TMEM117: variants seen among roughly 807,000 people sequenced by gnomAD.
The protein encoded by TMEM117 is transmembrane protein 117.
In TMEM117, 27 loss-of-function variants were observed where a neutral mutation model predicts 52.4. That is an observed-to-expected ratio of 0.51 (90% CI 0.38 to 0.71). The LOEUF is 0.71. Ranked by LOEUF, TMEM117 falls within the 30% of genes least tolerant of loss-of-function variation. The probability of loss-of-function intolerance (pLI) is 0.00; values close to 1 mark genes in which losing one functional copy is unlikely to be tolerated. For missense variants in TMEM117, 556 were observed against 630.5 expected (o/e 0.88, Z 1.26); for synonymous variants, 215 against 206.3 (o/e 1.04, Z -0.36).
chr12:43,836,298 C>T (rs1565711937), intron 1 of TMEM117, 102 bp downstream of exon 1: 1 of 152,356 alleles, frequency 6.6e-6, no homozygotes, highest in Non-Finnish European at 1.5e-5. Context: ...GCTGCCACCT[C>T]GTCACTGCCC....
chr12:44,242,137 T>A (rs996562476), intron 5 of TMEM117, among the ~76,000 whole-genome samples: 3 of 151,890 alleles, frequency 2.0e-5, no homozygotes, highest in Admixed American at 6.6e-5. Context: ...TGTCTTTTTT[T>A]TTTTTACTTT....
chr12:44,147,970 G>A (rs1948669385), intron 4 of TMEM117, among the ~76,000 whole-genome samples: 2 of 151,362 alleles, frequency 1.3e-5, no homozygotes, highest in African/African-American at 4.8e-5. Flanking sequence ...AGACAATTCT[G>A]TTAGCCAACA....
At chr12:44,348,435 T>C (rs1311849373) in intron 6 of TMEM117, among the ~76,000 whole-genome samples, 1 of 151,832 alleles carries the variant, frequency 6.6e-6, no homozygotes, top group African/African-American at 2.4e-5. Flanking sequence ...CAATACCCCC[T>C]TTTCTTAGGT....
chr12:43,970,538 T>C (rs1945566225), intron 3 of TMEM117, among the ~76,000 whole-genome samples: 1 of 152,166 alleles, frequency 6.6e-6, no homozygotes, highest in Non-Finnish European at 1.5e-5. Flanking sequence ...TCCGCCTGGC[T>C]CGGCCTCTCA....
Position 43,964,194 on chromosome 12 carries a change from C to T in TMEM117, c.410+19852C>T, listed in dbSNP as rs571100287. On this transcript the variant is annotated intron_variant, in intron 3 of 7. Coordinates refer to ENST00000266534, the MANE Select transcript of TMEM117 (RefSeq NM_032256.3). ...AGTAGCTCTCGGGGAGGTCTCAGAG[C>T]AGTCAGTAATTGAACATTCTGCCTG... 1.8e-4 allele frequency among the ~76,000 whole-genome samples: 28 copies of T among 152,146 alleles called. No individual in the cohort carries two copies. The South Asian group carries it at 5.4e-3, about 29-fold the overall frequency.
intron 2 of TMEM117, among the ~76,000 whole-genome samples, chr12:43,895,253 G>A (rs935033853): frequency 6.6e-6 from 1 of 152,062 alleles, no homozygotes; most frequent in Non-Finnish European, 1.5e-5. Context: ...GAGGTGTTTG[G>A]TTTTGTGTTC....
At chr12:43,900,507 C>A (rs1311211072) in intron 2 of TMEM117, among the ~76,000 whole-genome samples, 1 of 151,986 alleles carries the variant, frequency 6.6e-6, no homozygotes, top group Admixed American at 6.6e-5. Context: ...ATCACAAGGT[C>A]AGGAGTTCGA....
chr12:43,980,030 A>G (rs138418405), intron 3 of TMEM117, among the ~76,000 whole-genome samples: 135 of 152,174 alleles, frequency 8.9e-4, no homozygotes, highest in African/African-American at 2.2e-3. Context: ...TGCCTTGTTG[A>G]TCTTGTATTA....
chr12:43,935,967 G>A (rs1254853596), intron 2 of TMEM117, among the ~76,000 whole-genome samples: 1 of 152,138 alleles, frequency 6.6e-6, no homozygotes, highest in Non-Finnish European at 1.5e-5. Flanking sequence ...CAGAGTGAAA[G>A]GATGGGAGTG....
intron 3 of TMEM117, among the ~76,000 whole-genome samples, chr12:43,987,995 C>T (rs1301168952): frequency 1.3e-5 from 2 of 152,024 alleles, no homozygotes; most frequent in Non-Finnish European, 2.9e-5. Context: ...TTCAATTTGT[C>T]AGGGTATTGT....
At chr12:44,114,361 C>T (rs569082122) in intron 3 of TMEM117, among the ~76,000 whole-genome samples, 3 of 152,074 alleles carry the variant, frequency 2.0e-5, no homozygotes, top group African/African-American at 4.8e-5. Flanking sequence ...GGAAATAAAA[C>T]GATTTTATAA....
chr12:44,261,576 T>C (rs1310231122), intron 5 of TMEM117, among the ~76,000 whole-genome samples: 1 of 152,184 alleles, frequency 6.6e-6, no homozygotes, highest in Non-Finnish European at 1.5e-5. Context: ...ATAGTATCGC[T>C]ATGGGGAGAA....
At chr12:44,125,152 T>C (rs1170428157) in intron 3 of TMEM117, among the ~76,000 whole-genome samples, 1 of 152,194 alleles carries the variant, frequency 6.6e-6, no homozygotes, top group African/African-American at 2.4e-5. Flanking sequence ...TCGCCCAGGC[T>C]GGAGTGCAGT....
At chr12:44,012,987 T>G (rs143479136) in intron 3 of TMEM117, among the ~76,000 whole-genome samples, 1 of 151,992 alleles carries the variant, frequency 6.6e-6, no homozygotes, top group African/African-American at 2.4e-5. Context: ...ACTCCTCTGA[T>G]TAGGTATCAC....
At chr12:44,269,942 T>A (rs1186433704) in intron 5 of TMEM117, among the ~76,000 whole-genome samples, 1 of 152,060 alleles carries the variant, frequency 6.6e-6, no homozygotes, top group Non-Finnish European at 1.5e-5. Context: ...CAACTACTTG[T>A]TAGTGGGATA....
chr12:44,365,515 C>A (rs2138820450), intron 6 of TMEM117, among the ~76,000 whole-genome samples: 1 of 152,066 alleles, frequency 6.6e-6, no homozygotes, highest in East Asian at 1.9e-4. Context: ...GTCCTGGGTA[C>A]AAATCCTTTT....
At chr12:44,315,038 G>A (rs1215220195) in intron 6 of TMEM117, among the ~76,000 whole-genome samples, 4 of 152,134 alleles carry the variant, frequency 2.6e-5, no homozygotes, top group Admixed American at 2.6e-4. Flanking sequence ...TAGTTTGTGT[G>A]CATAGAGGTG....
intron 3 of TMEM117, among the ~76,000 whole-genome samples, chr12:44,110,320 C>A (rs1295319633): frequency 1.4e-5 from 2 of 144,204 alleles, no homozygotes; most frequent in African/African-American, 5.3e-5. Flanking sequence ...TTTGCCCATT[C>A]AGTATGATAT....
intron 4 of TMEM117, among the ~76,000 whole-genome samples, chr12:44,160,870 C>G (rs188791525): frequency 1.1e-3 from 175 of 152,198 alleles, no homozygotes; most frequent in African/African-American, 4.1e-3. Context: ...ATTGTAGCTG[C>G]CATAGTAATT....
Sources: gnomAD v4.1 joint callset for allele counts (sites outside exome capture counted in the v4.1 genomes callset) on GRCh38, gnomAD v4.1.1 for gene constraint, MANE v1.5 for transcripts, NCBI Gene and HGNC (gene_info 2026-07-23, HGNC 2026-07-21) for gene names.